Variants in GPX2 observed in about 807,000 individuals in gnomAD.
GPX2 encodes the protein gastrointestinal glutathione peroxidase.
Under a neutral mutation model 14.1 loss-of-function variants are expected in GPX2, and 21 were observed. The ratio of observed to expected loss-of-function variants is 1.48; its 90% confidence interval spans 1.05 to 2.14. The LOEUF (loss-of-function observed/expected upper bound fraction) is 2.14, where lower values mean the gene tolerates loss of function less well. Ranked by LOEUF, GPX2 falls within the 30% of genes most tolerant of loss-of-function variation. GPX2 has a pLI of 0.00. For synonymous variants in GPX2, 94 were observed against 95.2 expected, an observed-to-expected ratio of 0.99 and a Z score of 0.07; for missense variants, 241 against 249.8, an observed-to-expected ratio of 0.96 and a Z score of 0.24.
chr14:64,942,445 A>C (rs1885705550), intron 1 of GPX2, 60 bp downstream of exon 1: 2 of 1,350,744 alleles, frequency 1.5e-6, no homozygotes, highest in South Asian at 2.4e-5. Flanking sequence ...CTCTCCTTTT[A>C]TCCCACCTGA....
At chr14:64,941,562 A>C (rs1566837036) in intron 1 of GPX2, 2 of 1,276,572 alleles carry the variant, frequency 1.6e-6, no homozygotes, top group South Asian at 2.5e-5. Flanking sequence ...AGGGAAGAAC[A>C]GTGAGAGCAG....
Position 64,942,686 on chromosome 14 carries a change from A to T in GPX2, c.41T>A (p.Ile14Asn). Residue 14 changes from isoleucine to asparagine, a missense_variant, in exon 1 of 2, where the codon ATC (isoleucine) becomes AAC (asparagine). Transcript: ENST00000389614. ...IAKSFYDLSA[I>N]SLDGEKVDFN... ...ATCTACCTTCTCCCCATCCAGGCTG[A>T]TGGCACTGAGGTCATAGAAGGACTT... 1.9e-6 allele frequency: 3 copies of T among 1,614,172 alleles called. No individual in the cohort carries two copies. The South Asian group carries it at 3.3e-5, about 18-fold the overall frequency.
At position 64,939,448 on chromosome 14, in the gene GPX2, C is replaced by T. The variant is rs1418718413; in HGVS notation, c.*40G>A. 6.6e-7 allele frequency: 1 copy of T among 1,519,968 alleles called. No individual in the cohort carries two copies. The highest frequency in any genetic ancestry group is 2.3e-5 in the East Asian group (1 of 44,348). 94.2% of individuals were successfully genotyped at this position (1,519,968 alleles called of 1,614,324 possible). On this transcript the variant is annotated 3_prime_UTR_variant, in exon 2 of 2. Coordinates refer to ENST00000389614, the MANE Select transcript of GPX2 (RefSeq NM_002083.4). This position sits in a 1 kb window ranked among gnomAD's most constrained non-coding sequence, Gnocchi z 5.7. ...TGCTGCATCCTAAGGCTCCTCAGGA[C>T]TGGATGGAGTAGGAGATCTGTGTGT...
At chr14:64,941,499 A>C (rs755488195) in intron 1 of GPX2, 1 of 1,288,552 alleles carries the variant, frequency 7.8e-7, no homozygotes, top group South Asian at 1.2e-5. Context: ...ATCTCGAAAG[A>C]GGGTTTGCTA....
In GPX2 at chr14:64,942,604, G is replaced by A. The variant is rs1246273381; in HGVS notation, c.123C>T (p.Gly41=). The A allele has an allele frequency of 5.6e-6, 9 of 1,614,094 alleles. No individual in the cohort carries two copies. Among genetic ancestry groups the A allele is most frequent in the Non-Finnish European group, 7.6e-6 (9 of 1,180,032 alleles). Residue 41 remains glycine (G), a synonymous_variant, in exon 1 of 2, where the codon GGC becomes GGT. Coordinates refer to ENST00000389614, the MANE Select transcript of GPX2 (RefSeq NM_002083.4). Reference sequence around the variant, plus strand: ...GCTGGGTGAAGTCCCGGGTGGTTGTGCCTCAGAGCGAAGCCACATTCTCAA... The same window carrying A: ...GCTGGGTGAAGTCCCGGGTGGTTGTACCTCAGAGCGAAGCCACATTCTCAA... ...VLIENVASLU[G]TTTRDFTQLN... is the part of the protein sequence containing the mutation.
At chr14:64,942,433 G>T in intron 1 of GPX2, 72 bp downstream of exon 1, 1 of 1,209,456 alleles carries the variant, frequency 8.3e-7, no homozygotes, top group Non-Finnish European at 1.2e-6. Flanking sequence ...TGGTCATTCA[G>T]CCTCTCCTTT....
At position 64,941,333 on chromosome 14, in the gene GPX2, G is replaced by A. The variant is rs143181386; in HGVS notation, c.222+1172C>T. Reference sequence around the variant, plus strand: ...TCTGCCTACCTTAGCCTCCCAAAGCGCTGGGATTATAGGTGTGAGCCACTG... The same window carrying A: ...TCTGCCTACCTTAGCCTCCCAAAGCACTGGGATTATAGGTGTGAGCCACTG... On this transcript the variant is annotated intron_variant, in intron 1 of 1. Transcript: ENST00000389614. The A allele has an allele frequency of 1.0e-4, 122 of 1,197,520 alleles. No individual in the cohort carries two copies. In the Admixed American group the frequency reaches 2.9e-3, roughly 28 times the overall value. The allele number at this position is 1,197,520 out of a possible 1,614,324, so 74.2% of individuals were successfully genotyped here.
intron 1 of GPX2, chr14:64,941,338 G>A: frequency 8.1e-7 from 1 of 1,236,134 alleles, no homozygotes; most frequent in South Asian, 1.3e-5. Flanking sequence ...AAAGCGCTGG[G>A]ATTATAGGTG....
At position 64,940,084 on chromosome 14, in the gene GPX2, T is replaced by C. The variant is rs1394763384; in HGVS notation, c.223-246A>G. On this transcript the variant is annotated intron_variant, in intron 1 of 1. Coordinates refer to ENST00000389614, the MANE Select transcript of GPX2 (RefSeq NM_002083.4). The surrounding 1 kb of genome is among the most constrained non-coding windows in gnomAD (Gnocchi z 4.5). The stretch of plus-strand genomic sequence containing the variant: ...GACACAGGCCACCATGCCCGGCTAA[T>C]TTTTTTTTTTTTTTGTAGAGATGGG... The C allele has an allele frequency of 1.0e-5, 3 of 289,746 alleles. No homozygotes were observed. Among genetic ancestry groups the C allele is most frequent in the Non-Finnish European group, 1.1e-5 (2 of 179,640 alleles). 17.9% of individuals were successfully genotyped at this position (289,746 alleles called of 1,614,324 possible).
At position 64,939,709 on chromosome 14, in the gene GPX2, A is replaced by G. The variant is rs897543727; in HGVS notation, c.352T>C (p.Tyr118His). The G allele has an allele frequency of 6.2e-7, 1 of 1,614,124 alleles. No individual in the cohort carries two copies. The highest frequency in any genetic ancestry group is 8.5e-7 in the Non-Finnish European group (1 of 1,180,018). The change falls in exon 2 of 2, where the codon TAC becomes CAC. Residue 118 changes from tyrosine to histidine, a missense_variant. Transcript: ENST00000389614. The surrounding 1 kb of genome is among the most constrained non-coding windows in gnomAD (Gnocchi z 5.7). ...NGQNEHPVFA[Y>H]LKDKLPYPYD... ...GGGTAGGGGAGCTTGTCCTTCAGGT[A>G]GGCGAAGACAGGATGCTCGTTCTGC...
Position 64,939,728 on chromosome 14 carries a change from G to C in GPX2, c.333C>G (p.Asn111Lys). 1 of 1,614,136 alleles carries C rather than the reference G, an allele frequency of 6.2e-7. No homozygotes were observed. Reference protein sequence around the residue: ...LVQKCEVNGQNEHPVFAYLKD... With the variant: ...LVQKCEVNGQKEHPVFAYLKD... The stretch of plus-strand genomic sequence containing the variant: ...TCAGGTAGGCGAAGACAGGATGCTC[G>C]TTCTGCCCATTCACCTCACATTTTT... Residue 111 changes from asparagine (N) to lysine (K), a missense_variant, in exon 2 of 2, where the codon AAC becomes AAG. Coordinates refer to ENST00000389614, the MANE Select transcript of GPX2 (RefSeq NM_002083.4). This position sits in a 1 kb window ranked among gnomAD's most constrained non-coding sequence, Gnocchi z 5.7.
In GPX2 at chr14:64,939,928, C is replaced by T; in HGVS notation, c.223-90G>A. On this transcript the variant is annotated intron_variant, in intron 1 of 1. Transcript: ENST00000389614. This position sits in a 1 kb window ranked among gnomAD's most constrained non-coding sequence, Gnocchi z 5.7. ...AAACTCTTTCACCCTCCTACACTCC[C>T]TCCCCAGGGTCATTCTTTTTCACTG... 6 of 1,505,408 alleles carry T rather than the reference C, an allele frequency of 4.0e-6. No homozygotes were observed. Among genetic ancestry groups the T allele is most frequent in the Non-Finnish European group, 5.3e-6 (6 of 1,129,028 alleles). 93.3% of individuals were successfully genotyped at this position (1,505,408 alleles called of 1,614,324 possible).
intron 1 of GPX2, chr14:64,941,666 T>A: frequency 3.4e-6 from 2 of 585,308 alleles, no homozygotes; most frequent in Non-Finnish European, 5.0e-6. Flanking sequence ...TGAATTGAAC[T>A]AAGGGGATTA....
At position 64,942,489 on chromosome 14, in the gene GPX2, A is replaced by G. The variant is rs1448468627; in HGVS notation, c.222+16T>C. The G allele has an allele frequency of 1.2e-6, 2 of 1,607,992 alleles. No individual in the cohort carries two copies. Among genetic ancestry groups the G allele is most frequent in the African/African-American group, 2.7e-5 (2 of 74,932 alleles). On this transcript the variant is annotated intron_variant, in intron 1 of 1. Coordinates refer to ENST00000389614, the MANE Select transcript of GPX2 (RefSeq NM_002083.4). ...AACCCAACACTTTTGGTGCATTACA[A>G]GGAGGGACCCCTCACCTGATGTCCA...
chr14:64,939,855 A>G lies in GPX2; in HGVS notation c.223-17T>C, dbSNP rs1468113452. On this transcript the variant is annotated splice_polypyrimidine_tract_variant and intron_variant, in intron 1 of 1. Coordinates refer to ENST00000389614, the MANE Select transcript of GPX2 (RefSeq NM_002083.4). This position sits in a 1 kb window ranked among gnomAD's most constrained non-coding sequence, Gnocchi z 5.7. ...ACAGTTCTCCTAGGGGAGGAAAAAG[A>G]CAAAGTGCGTGGACAGTGGGTGGGG... is the stretch of plus-strand genomic sequence containing the variant. The G allele has an allele frequency of 1.2e-6, 2 of 1,610,832 alleles. No homozygotes were observed. The highest frequency in any genetic ancestry group is 2.2e-5 in the East Asian group (1 of 44,832).
In GPX2 at chr14:64,942,639, C is replaced by A; in HGVS notation, c.88G>T (p.Ala30Ser). The A allele has an allele frequency of 6.2e-7, 1 of 1,614,186 alleles. No individual in the cohort carries two copies. Among genetic ancestry groups the A allele is most frequent in the Non-Finnish European group, 8.5e-7 (1 of 1,180,030 alleles). Residue 30 changes from alanine (A) to serine (S), a missense_variant, in exon 1 of 2, where the codon GCC (alanine) becomes TCC (serine). Coordinates refer to ENST00000389614, the MANE Select transcript of GPX2 (RefSeq NM_002083.4). The part of the protein sequence containing the change: ...KVDFNTFRGR[A>S]VLIENVASLU... ...GAAGCCACATTCTCAATCAGCACGG[C>A]CCTGCCCCGGAACGTATTGAAATCT...
At position 64,940,193 on chromosome 14, in the gene GPX2, G is replaced by A; in HGVS notation, c.223-355C>T. 1 of 1,315,730 alleles carries A rather than the reference G, an allele frequency of 7.6e-7. No homozygotes were observed. The highest frequency in any genetic ancestry group is 9.9e-7 in the Non-Finnish European group (1 of 1,006,638). 81.5% of individuals were successfully genotyped at this position (1,315,730 alleles called of 1,614,324 possible). On this transcript the variant is annotated intron_variant, in intron 1 of 1. Transcript: ENST00000389614. The surrounding 1 kb of genome is among the most constrained non-coding windows in gnomAD (Gnocchi z 4.5). ...TGCTTTTGTCTCCAGTCTACCCTGA[G>A]CAGTTCTTAAGGTGTTTGAAGCAGA...
intron 1 of GPX2, chr14:64,941,276 C>T: frequency 1.1e-6 from 1 of 909,474 alleles, no homozygotes; most frequent in Non-Finnish European, 1.4e-6. Flanking sequence ...CCATGTTGCT[C>T]AGGCTAATCT....
Position 64,940,078 on chromosome 14 carries a change from G to C in GPX2, c.223-240C>G, listed in dbSNP as rs561441069. On this transcript the variant is annotated intron_variant, in intron 1 of 1. Transcript: ENST00000389614. This position sits in a 1 kb window ranked among gnomAD's most constrained non-coding sequence, Gnocchi z 4.5. Reference sequence around the variant, plus strand: ...ACTACAGACACAGGCCACCATGCCCGGCTAATTTTTTTTTTTTTTTGTAGA... The same window carrying C: ...ACTACAGACACAGGCCACCATGCCCCGCTAATTTTTTTTTTTTTTTGTAGA... 1 of 1,398,178 alleles carries C rather than the reference G, an allele frequency of 7.2e-7. No individual in the cohort carries two copies. Among genetic ancestry groups the C allele is most frequent in the South Asian group, 1.3e-5 (1 of 78,730 alleles). The allele number at this position is 1,398,178 out of a possible 1,614,324, so 86.6% of individuals were successfully genotyped here.
Sources: allele counts gnomAD v4.1 joint callset, GRCh38; gene constraint gnomAD v4.1.1; non-coding constraint Gnocchi (gnomAD v3.1); transcripts MANE v1.5; gene names NCBI Gene and HGNC (gene_info 2026-07-23, HGNC 2026-07-21).